The following CAND1 variants were observed in gnomAD, a reference collection of about 807,000 sequenced individuals.
The protein encoded by CAND1 is cullin associated and neddylation dissociated 1.
CAND1 carries 7 observed loss-of-function variants against 108.5 expected under a neutral mutation model. That is an observed-to-expected ratio of 0.06 (90% CI 0.04 to 0.12). CAND1 has a LOEUF of 0.12. Among genes scored for constraint, CAND1 ranks in the 10% least tolerant of loss-of-function variants. CAND1 has a pLI of 1.00. For synonymous variants in CAND1, 534 were observed against 512.0 expected, an observed-to-expected ratio of 1.04 and a Z score of -0.58; for missense variants, 941 against 1,448.7, an observed-to-expected ratio of 0.65 and a Z score of 5.69.
chr12:67,269,885 A>T, intron 1 of CAND1, 100 bp downstream of exon 1: 1 of 981,288 alleles, frequency 1.0e-6, no homozygotes, highest in Non-Finnish European at 1.5e-6. Context: ...CGTAGCCGGT[A>T]GCTTCTCTGC....
In CAND1 at chr12:67,315,540, G is replaced by A. The variant is rs939862484; in HGVS notation, c.*2710G>A. 2.0e-5 allele frequency: 3 copies of A among 151,460 alleles called. No homozygotes were observed. Among genetic ancestry groups the A allele is most frequent in the Non-Finnish European group, 4.4e-5 (3 of 67,944 alleles). The allele number at this position is 151,460 out of a possible 1,614,324, so 9.4% of individuals were successfully genotyped here. A position where few individuals can be genotyped will look rare whatever the true frequency, so the allele number is the denominator to read the frequency against. On this transcript the variant is annotated 3_prime_UTR_variant, in exon 15 of 15. Coordinates refer to ENST00000545606, the MANE Select transcript of CAND1 (RefSeq NM_018448.5). ...ATTTATAAAATCAATAGCACTGAAT[G>A]ATAATTTTTTTAATGACAGTCATGT... is the stretch of plus-strand genomic sequence containing the variant.
chr12:67,301,408 A>G (rs2044823534), intron 7 of CAND1, among the ~76,000 whole-genome samples: 2 of 152,206 alleles, frequency 1.3e-5, no homozygotes, highest in East Asian at 1.9e-4. Context: ...TTATCTAAGA[A>G]TAAAGAAATT....
At chr12:67,279,411 C>T (rs1170705059) in intron 1 of CAND1, among the ~76,000 whole-genome samples, 2 of 152,104 alleles carry the variant, frequency 1.3e-5, no homozygotes, top group African/African-American at 2.4e-5. Flanking sequence ...CAAACAGCTT[C>T]CTTAATAAGA....
chr12:67,295,198 A>G (rs779375416), intron 4 of CAND1, 42 bp downstream of exon 4: 1 of 1,540,160 alleles, frequency 6.5e-7, no homozygotes, highest in South Asian at 1.2e-5. Context: ...AATACAGATA[A>G]CTACATTAAT....
At chr12:67,280,299 C>T (rs1000820228) in intron 1 of CAND1, among the ~76,000 whole-genome samples, 9 of 152,092 alleles carry the variant, frequency 5.9e-5, no homozygotes, top group Non-Finnish European at 1.2e-4. Context: ...ATTAAATGAA[C>T]GTACTAGTTA....
intron 4 of CAND1, among the ~76,000 whole-genome samples, chr12:67,295,413 T>A (rs2044760201): frequency 6.6e-6 from 1 of 152,212 alleles, no homozygotes; most frequent in Admixed American, 6.5e-5. Context: ...TAAATTTTTT[T>A]TAGCACGGTT....
rs980833357 is a variant in CAND1 at position 67,309,926 on chromosome 12, C to T, written c.3051C>T (p.Asp1017=). 2 of 1,606,422 alleles carry T rather than the reference C, an allele frequency of 1.2e-6. No homozygotes were observed. The highest frequency in any genetic ancestry group is 2.2e-5 in the East Asian group (1 of 44,792). The change falls in exon 12 of 15, where the codon GAC becomes GAT. Residue 1017 remains aspartate (D), a synonymous_variant. Transcript: ENST00000545606. Reference sequence around the variant, plus strand: ...GTGATTTCCTAAAAACTTTGGAAGACCCAGATTTGAATGTGAGAAGAGTAG... The same window carrying T: ...GTGATTTCCTAAAAACTTTGGAAGATCCAGATTTGAATGTGAGAAGAGTAG... The part of the protein sequence containing the change: ...CIGDFLKTLE[D]PDLNVRRVAL...
Position 67,295,094 on chromosome 12 carries a change from A to G in CAND1, c.429A>G (p.Ala143=), listed in dbSNP as rs141763176. The G allele has an allele frequency of 2.5e-4, 409 of 1,613,248 alleles. No individual in the cohort carries two copies. The highest frequency in any genetic ancestry group is 3.5e-4 in the Admixed American group (21 of 60,010). The change falls in exon 4 of 15, where the codon GCA becomes GCG. Residue 143 remains alanine, a synonymous_variant. Transcript: ENST00000545606. ...KITGRLTSAI[A]KQEDVSVQLE... ...CTGGACGTCTTACAAGTGCAATAGC[A>G]AAACAGGAAGATGTCTCTGTTCAGC...
intron 2 of CAND1, among the ~76,000 whole-genome samples, chr12:67,290,036 A>G (rs1362322445): frequency 6.6e-6 from 1 of 152,166 alleles, no homozygotes. Flanking sequence ...AGACATTAAG[A>G]GTTCTCTGTA....
rs764762765 is a variant in CAND1, at chr12:67,269,699, C to G, written c.-19C>G. ...CAGCAGCTCCAGCAGCGCCAGCAGG[C>G]GGGATCGAGGCCGTCAACATGGCGA... is the stretch of plus-strand genomic sequence containing the variant. On this transcript the variant is annotated 5_prime_UTR_variant, in exon 1 of 15. Transcript: ENST00000545606. The G allele has an allele frequency of 1.9e-6, 3 of 1,594,664 alleles. No individual in the cohort carries two copies. In the East Asian group the frequency reaches 7.0e-5, roughly 37 times the overall value.
rs1190037074 is a variant in CAND1, at chr12:67,316,794, A to G, written c.*3964A>G. 6.6e-6 allele frequency: 1 copy of G among 152,184 alleles called. No homozygotes were observed. Among genetic ancestry groups the G allele is most frequent in the East Asian group, 1.9e-4 (1 of 5,186 alleles). 9.4% of individuals were successfully genotyped at this position (152,184 alleles called of 1,614,324 possible). On this transcript the variant is annotated 3_prime_UTR_variant, in exon 15 of 15. Transcript: ENST00000545606. The stretch of plus-strand genomic sequence containing the variant: ...TTGGAATTAATTTGCTATTGCCAGT[A>G]AGTAATGGTTGATGGATATTAAGTG...
intron 2 of CAND1, among the ~76,000 whole-genome samples, chr12:67,289,724 C>G (rs150444338): frequency 2.0e-5 from 3 of 152,320 alleles, no homozygotes; most frequent in Non-Finnish European, 4.4e-5. Flanking sequence ...CTTTTAACTT[C>G]ACTCCCAATT....
chr12:67,300,715 A>G (rs1035953817), intron 7 of CAND1, among the ~76,000 whole-genome samples: 8 of 152,142 alleles, frequency 5.3e-5, no homozygotes, highest in African/African-American at 1.9e-4. Context: ...TGAAGGCTAG[A>G]TGTTTTAATC....
In CAND1 at chr12:67,304,692, C is replaced by G; in HGVS notation, c.1381C>G (p.Leu461Val). 1 of 1,613,848 alleles carries G rather than the reference C, an allele frequency of 6.2e-7. No homozygotes were observed. Among genetic ancestry groups the G allele is most frequent in the Non-Finnish European group, 8.5e-7 (1 of 1,179,880 alleles). The change falls in exon 9 of 15, where the codon CTG becomes GTG. Residue 461 changes from leucine (L) to valine (V), a missense_variant. By Grantham distance (32) the Leu-to-Val change is conservative. Around this residue, in one of 9 missense-constraint regions of CAND1, gnomAD observed 697 missense variants for 942.0 expected, o/e 0.74. Transcript: ENST00000545606. ...GTGTTGTTTTAACATGTTAACTGAG[C>G]TGGTAAATGTATTACCTGGGGCCCT... ...RQCCFNMLTE[L>V]VNVLPGALTQ...
At position 67,318,349 on chromosome 12, in the gene CAND1, C is replaced by T. The variant is rs2045028952; in HGVS notation, c.*5519C>T. ...TATTAGTTTGAATCCTGGCTGTTAGCTGTTAGACTTGGGCAAATAATTTAA... is the reference window on the plus strand; with the variant it reads ...TATTAGTTTGAATCCTGGCTGTTAGTTGTTAGACTTGGGCAAATAATTTAA... On this transcript the variant is annotated 3_prime_UTR_variant, in exon 15 of 15. Coordinates refer to ENST00000545606, the MANE Select transcript of CAND1 (RefSeq NM_018448.5). 1 of 152,192 alleles carries T rather than the reference C, an allele frequency of 6.6e-6. No individual in the cohort carries two copies. The highest frequency in any genetic ancestry group is 1.5e-5 in the Non-Finnish European group (1 of 68,028). The allele number at this position is 152,192 out of a possible 1,614,324, so 9.4% of individuals were successfully genotyped here.
intron 11 of CAND1, 128 bp downstream of exon 11, chr12:67,307,620 A>C (rs1375527071): frequency 1.6e-6 from 1 of 634,028 alleles, no homozygotes; most frequent in Non-Finnish European, 2.7e-6. Context: ...AAGAAAATTG[A>C]TATGATCTTA....
intron 1 of CAND1, among the ~76,000 whole-genome samples, chr12:67,277,847 A>G (rs770856195): frequency 2.0e-5 from 3 of 152,184 alleles, no homozygotes; most frequent in Non-Finnish European, 2.9e-5. Context: ...AACCTAAGTC[A>G]GGCCATCATA....
chr12:67,279,442 T>A (rs889174616), intron 1 of CAND1, among the ~76,000 whole-genome samples: 1 of 152,214 alleles, frequency 6.6e-6, no homozygotes, highest in Non-Finnish European at 1.5e-5. Flanking sequence ...AAATTTTTAA[T>A]ACCACATTTA....
chr12:67,289,924 A>T (rs2044707159), intron 2 of CAND1, among the ~76,000 whole-genome samples: 1 of 152,108 alleles, frequency 6.6e-6, no homozygotes, highest in Admixed American at 6.5e-5. Context: ...CATCTATTTG[A>T]GACACTGATC....
Sources: allele counts gnomAD v4.1 joint callset (sites outside exome capture counted in the v4.1 genomes callset), GRCh38; gene constraint gnomAD v4.1.1; regional missense constraint gnomAD v4.1.1; transcripts MANE v1.5; gene names NCBI Gene and HGNC (gene_info 2026-07-23, HGNC 2026-07-21).